AGBL4: variants seen among roughly 807,000 people sequenced by gnomAD.
AGBL4 encodes the protein cytosolic carboxypeptidase 6.
In AGBL4, 58 loss-of-function variants were observed where a neutral mutation model predicts 66.4. The ratio of observed to expected loss-of-function variants is 0.87; its 90% CI spans 0.71 to 1.09. The LOEUF (loss-of-function observed/expected upper bound fraction) is 1.09. Ranked by LOEUF, AGBL4 falls within the 50% of genes least tolerant of loss-of-function variation. AGBL4 has a pLI of 0.00. For synonymous variants in AGBL4, 234 were observed against 222.9 expected (o/e 1.05, Z -0.44); for missense variants, 579 against 631.0 (o/e 0.92, Z 0.88).
chr1:48,846,532 C>T lies in AGBL4; in HGVS notation c.634+20659G>A, dbSNP rs141750142. The stretch of plus-strand genomic sequence containing the variant: ...TTTCAGGCTTTAGGCCTTAGATATC[C>T]CTCTTATATTGCTTCATTGCCTATA... On this transcript the variant is annotated intron_variant, in intron 6 of 13. Coordinates refer to ENST00000371839, the MANE Select transcript of AGBL4 (RefSeq NM_032785.4). Among the ~76,000 whole-genome samples the T allele has an allele frequency of 5.0e-3, 762 of 152,224 alleles. 7 individuals carry two copies. The highest frequency in any genetic ancestry group is 0.018 in the African/African-American group (731 of 41,538).
At chr1:48,823,744 G>A (rs1646365776) in intron 6 of AGBL4, among the ~76,000 whole-genome samples, 1 of 152,122 alleles carries the variant, frequency 6.6e-6, no homozygotes, top group African/African-American at 2.4e-5. Flanking sequence ...GTTTCCCAGT[G>A]GCCAACACAA....
chr1:49,463,125 T>C (rs1051272251), intron 3 of AGBL4, among the ~76,000 whole-genome samples: 2 of 151,712 alleles, frequency 1.3e-5, no homozygotes, highest in East Asian at 1.9e-4. Context: ...GCAATATACA[T>C]AGGACATAGG....
At chr1:49,978,104 C>A (rs1424425311) in intron 1 of AGBL4, among the ~76,000 whole-genome samples, 2 of 152,076 alleles carry the variant, frequency 1.3e-5, no homozygotes, top group Non-Finnish European at 2.9e-5. Flanking sequence ...AAAATAATTT[C>A]TTTTGGAACT....
intron 5 of AGBL4, among the ~76,000 whole-genome samples, chr1:48,990,925 A>G (rs993906888): frequency 6.6e-6 from 1 of 152,126 alleles, no homozygotes; most frequent in African/African-American, 2.4e-5. Flanking sequence ...CTTATTATAT[A>G]TGTCTTGAAA....
At chr1:49,029,284 C>T (rs1664014033) in intron 5 of AGBL4, among the ~76,000 whole-genome samples, 1 of 152,060 alleles carries the variant, frequency 6.6e-6, no homozygotes. Flanking sequence ...TATCTACTTG[C>T]AGATGATATG....
At chr1:49,178,759 T>C (rs1458758812) in intron 4 of AGBL4, among the ~76,000 whole-genome samples, 1 of 152,188 alleles carries the variant, frequency 6.6e-6, no homozygotes, top group African/African-American at 2.4e-5. Flanking sequence ...GAGCCTATTT[T>C]TCCAGCAGCC....
At chr1:49,307,924 G>A (rs1237549449) in intron 3 of AGBL4, among the ~76,000 whole-genome samples, 9 of 152,080 alleles carry the variant, frequency 5.9e-5, no homozygotes, top group Admixed American at 4.6e-4. Context: ...AATCACATGC[G>A]GAACTGTAAT....
chr1:49,767,945 G>GA (rs1643937728), intron 2 of AGBL4, among the ~76,000 whole-genome samples: 1 of 149,732 alleles, frequency 6.7e-6, no homozygotes, highest in Non-Finnish European at 1.5e-5. Context: ...TTCGAAAATT[G>GA]AATCAGTTGC....
chr1:49,937,646 G>T (rs1363689401), intron 1 of AGBL4, among the ~76,000 whole-genome samples: 1 of 152,156 alleles, frequency 6.6e-6, no homozygotes, highest in Non-Finnish European at 1.5e-5. Context: ...CTGTCCCTCA[G>T]ACCACAGTGC....
At chr1:48,620,219 C>T (rs1645389323) in intron 9 of AGBL4, among the ~76,000 whole-genome samples, 1 of 152,140 alleles carries the variant, frequency 6.6e-6, no homozygotes, top group Admixed American at 6.5e-5. Context: ...GTGGCCAGAG[C>T]ATTTGAGCTA....
At chr1:49,860,443 GACCCA>G (rs1646540431) in intron 1 of AGBL4, among the ~76,000 whole-genome samples, 1 of 152,226 alleles carries the variant, frequency 6.6e-6, no homozygotes, top group African/African-American at 2.4e-5. Flanking sequence ...CACGCCTGTA[GACCCA>G]CCACTTTGGA....
chr1:49,826,297 A>C (rs574596100), intron 2 of AGBL4, among the ~76,000 whole-genome samples: 13 of 152,326 alleles, frequency 8.5e-5, no homozygotes, highest in African/African-American at 2.9e-4. Flanking sequence ...TTTGCTTCTA[A>C]ATGTGGCAAT....
intron 5 of AGBL4, among the ~76,000 whole-genome samples, chr1:49,026,033 C>A (rs1002836621): frequency 6.6e-6 from 1 of 151,680 alleles, no homozygotes; most frequent in Non-Finnish European, 1.5e-5. Flanking sequence ...CCTCTACTAC[C>A]ACAAATCAGT....
chr1:49,326,905 A>C (rs1402697434), intron 3 of AGBL4, among the ~76,000 whole-genome samples: 3 of 152,208 alleles, frequency 2.0e-5, no homozygotes, highest in Non-Finnish European at 4.4e-5. Context: ...CAAGGCATTG[A>C]CATTATTACA....
chr1:49,678,771 A>G (rs1017805028), intron 3 of AGBL4, among the ~76,000 whole-genome samples: 4 of 151,942 alleles, frequency 2.6e-5, no homozygotes, highest in South Asian at 2.1e-4. Flanking sequence ...ATTTATTTTT[A>G]TTTTTCTGTT....
chr1:49,900,103 T>A (rs1277251992), intron 1 of AGBL4, among the ~76,000 whole-genome samples: 1 of 151,992 alleles, frequency 6.6e-6, no homozygotes, highest in Admixed American at 6.6e-5. Flanking sequence ...AACCAACAAC[T>A]CTATCAAGAT....
intron 5 of AGBL4, among the ~76,000 whole-genome samples, chr1:48,969,468 T>G (rs953655362): frequency 2.0e-5 from 3 of 152,168 alleles, no homozygotes; most frequent in African/African-American, 7.2e-5. Flanking sequence ...TTTCTTCAAA[T>G]TTACAGTACA....
intron 6 of AGBL4, among the ~76,000 whole-genome samples, chr1:48,730,799 T>C (rs1647997815): frequency 6.6e-6 from 1 of 152,222 alleles, no homozygotes; most frequent in African/African-American, 2.4e-5. Flanking sequence ...ACAGTGCTAA[T>C]GTGTCCTATT....
intron 4 of AGBL4, among the ~76,000 whole-genome samples, chr1:49,075,045 G>T (rs1011601560): frequency 7.9e-5 from 12 of 152,122 alleles, no homozygotes; most frequent in Non-Finnish European, 1.6e-4. Flanking sequence ...TGAAGAGAAA[G>T]GGATTAATTC....
Sources: allele counts gnomAD v4.1 joint callset (sites outside exome capture counted in the v4.1 genomes callset), GRCh38; gene constraint gnomAD v4.1.1; transcripts MANE v1.5; gene names NCBI Gene and HGNC (gene_info 2026-07-23, HGNC 2026-07-21).